The following MYOM2 variants were observed in gnomAD, a reference collection of about 807,000 sequenced individuals.
MYOM2 encodes the protein myomesin-2.
MYOM2 carries 254 observed loss-of-function variants against 187.6 expected under a neutral mutation model. That is an observed-to-expected ratio of 1.35 (90% confidence interval 1.22 to 1.50). The LOEUF is 1.50. MYOM2 is among the 40% of genes most tolerant of loss of function. The pLI, the probability that MYOM2 is intolerant of heterozygous loss-of-function variation, is 0.00. For missense variants in MYOM2, 2,796 were observed against 1,924.0 expected, an observed-to-expected ratio of 1.45 and a Z score of -8.48; for synonymous variants, 981 against 753.8, an observed-to-expected ratio of 1.30 and a Z score of -4.94.
chr8:2,130,430 A>G (rs916461329), intron 32 of MYOM2, among the ~76,000 whole-genome samples: 2 of 152,062 alleles, frequency 1.3e-5, no homozygotes, highest in Non-Finnish European at 2.9e-5. Context: ...AGTACGCTAT[A>G]CCCAGGGCGC....
intron 1 of MYOM2, among the ~76,000 whole-genome samples, chr8:2,049,532 C>T (rs1818415512): frequency 6.6e-6 from 1 of 152,196 alleles, no homozygotes; most frequent in Admixed American, 6.5e-5. Context: ...CCGAGCAGCC[C>T]TTGGCATTTT....
intron 36 of MYOM2, 96 bp downstream of exon 36, chr8:2,143,552 G>C: frequency 6.9e-7 from 1 of 1,446,606 alleles, no homozygotes; most frequent in Non-Finnish European, 9.7e-7. Flanking sequence ...CCCAGTGAGG[G>C]GCTTCTGTGT....
At position 2,059,219 on chromosome 8, in the gene MYOM2, T is replaced by C. The variant is rs762543944; in HGVS notation, c.627T>C (p.Tyr209=). 1.9e-6 allele frequency: 3 copies of C among 1,614,066 alleles called. No homozygotes were observed. The highest frequency in any genetic ancestry group is 2.7e-5 in the African/African-American group (2 of 74,946). The part of the protein sequence containing the change: ...EPGKYRIESN[Y]GVHTLEINRA... ...GAAAGTACAGGATTGAGAGCAACTA[T>C]GGCGTACACACACTGGAGATCAACA... Residue 209 remains tyrosine, a synonymous_variant, in exon 6 of 37, where the codon TAT becomes TAC. Transcript: ENST00000262113.
intron 1 of MYOM2, among the ~76,000 whole-genome samples, chr8:2,049,416 C>A (rs534747685): frequency 1.3e-5 from 2 of 152,280 alleles, no homozygotes; most frequent in East Asian, 3.9e-4. Flanking sequence ...CTGTGATTCT[C>A]GGAGATTACA....
At chr8:2,104,286 C>T (rs1250151251) in intron 21 of MYOM2, among the ~76,000 whole-genome samples, 3 of 152,098 alleles carry the variant, frequency 2.0e-5, no homozygotes, top group South Asian at 2.1e-4. Context: ...AACAGAACAC[C>T]GAGGCTGGGT....
chr8:2,051,654 T>G (rs1005081412), intron 2 of MYOM2, among the ~76,000 whole-genome samples: 1 of 152,122 alleles, frequency 6.6e-6, no homozygotes, highest in African/African-American at 2.4e-5. Flanking sequence ...TCCCTCAAGA[T>G]ATATATAATC....
At chr8:2,131,979 T>G in intron 32 of MYOM2, among the ~76,000 whole-genome samples, 2 of 152,300 alleles carry the variant, frequency 1.3e-5, no homozygotes, top group East Asian at 3.9e-4. Context: ...AACTAAACTA[T>G]AAGACCTTAA....
chr8:2,120,393 C>T (rs1297768548), intron 28 of MYOM2, among the ~76,000 whole-genome samples: 2 of 151,414 alleles, frequency 1.3e-5, no homozygotes, highest in Non-Finnish European at 2.9e-5. Context: ...GGGGTGTGAG[C>T]TTGTTGATGA....
chr8:2,110,598 G>C (rs1426194260), intron 25 of MYOM2, among the ~76,000 whole-genome samples: 1 of 152,116 alleles, frequency 6.6e-6, no homozygotes, highest in Non-Finnish European at 1.5e-5. Flanking sequence ...TACTGCTTCT[G>C]CCTTTTTCCC....
chr8:2,142,722 C>T (rs1330774187), intron 35 of MYOM2, among the ~76,000 whole-genome samples: 1 of 13,848 alleles, frequency 7.2e-5, no homozygotes, highest in Admixed American at 1.1e-3. Context: ...CCCTCCCTCC[C>T]TCCCTCCCTT....
At position 2,108,830 on chromosome 8, in the gene MYOM2, A is replaced by G. The variant is rs1308318226; in HGVS notation, c.3043A>G (p.Thr1015Ala). The G allele has an allele frequency of 2.5e-6, 4 of 1,613,824 alleles. No homozygotes were observed. Among genetic ancestry groups the G allele is most frequent in the Non-Finnish European group, 3.4e-6 (4 of 1,179,952 alleles). Residue 1015 changes from threonine (T) to alanine (A), a missense_variant and splice_region_variant, in exon 24 of 37, where the codon ACA becomes GCA. Transcript: ENST00000262113. ...MALSNEIKNP[T>A]IPLKSELAYE... ...ATTGAGCAATGAAATAAAGAACCCC[A>G]GTAAGTAAGCCTCCAGCCCTTCCCC...
chr8:2,113,788 A>G (rs1004932757), intron 25 of MYOM2, among the ~76,000 whole-genome samples: 6 of 152,182 alleles, frequency 3.9e-5, no homozygotes, highest in African/African-American at 1.4e-4. Context: ...AGCCACCTCA[A>G]TGCCACAGAT....
At chr8:2,090,314 T>G in intron 15 of MYOM2, 123 bp downstream of exon 15, 1 of 909,764 alleles carries the variant, frequency 1.1e-6, no homozygotes, top group South Asian at 2.2e-5. Flanking sequence ...CAAGTGGACT[T>G]AAAACTTCAC....
chr8:2,047,756 G>A (rs918428205), intron 1 of MYOM2, among the ~76,000 whole-genome samples: 2 of 152,200 alleles, frequency 1.3e-5, no homozygotes, highest in African/African-American at 4.8e-5. Context: ...CCACAGTAAG[G>A]TACCATTGGA....
At chr8:2,106,165 C>T in intron 21 of MYOM2, 77 bp from the exon 22 acceptor site, 1 of 1,469,656 alleles carries the variant, frequency 6.8e-7, no homozygotes, top group Non-Finnish European at 9.3e-7. Context: ...GGAGCCAAAC[C>T]ATATCACCCT....
intron 3 of MYOM2, among the ~76,000 whole-genome samples, chr8:2,055,100 AC>A (rs1200281834): frequency 4.0e-5 from 1 of 24,738 alleles, no homozygotes; most frequent in Non-Finnish European, 1.2e-4. Context: ...GTACCTGGAT[AC>A]TGGGGTAACC....
At chr8:2,076,784 A>G (rs1819439894) in intron 11 of MYOM2, 1 of 153,362 alleles carries the variant, frequency 6.5e-6, no homozygotes, top group Non-Finnish European at 1.5e-5. Flanking sequence ...TGAGCTTCGA[A>G]ATACTGGAGT....
chr8:2,092,509 C>T lies in MYOM2; in HGVS notation c.1992C>T (p.Ile664=), dbSNP rs6420202. The T allele has an allele frequency of 2.7e-3, 4,434 of 1,613,964 alleles. 85 individuals carry two copies. In the African/African-American group the frequency reaches 0.051, roughly 19 times the overall value. ...GGGAGCCCTGCAACCACAAGCCCAT[C>T]GGATACAACAGGTGCGGCCTCCCTC... The part of the protein sequence containing the change: ...NLWEPCNHKP[I]GYNRFVVHGL... Residue 664 remains isoleucine, a synonymous_variant, in exon 16 of 37, where the codon ATC becomes ATT. Coordinates refer to ENST00000262113, the MANE Select transcript of MYOM2 (RefSeq NM_003970.4).
At chr8:2,120,013 G>A (rs1224224393) in intron 28 of MYOM2, among the ~76,000 whole-genome samples, 1 of 152,318 alleles carries the variant, frequency 6.6e-6, no homozygotes. Flanking sequence ...TGGGGGGAGT[G>A]GCAGGAGTGG....
Sources: gnomAD v4.1 joint callset for allele counts (sites outside exome capture counted in the v4.1 genomes callset) on GRCh38, gnomAD v4.1.1 for gene constraint, MANE v1.5 for transcripts, NCBI Gene and HGNC (gene_info 2026-07-23, HGNC 2026-07-21) for gene names.